TEAD4: variants seen among roughly 807,000 people sequenced by gnomAD.
TEAD4 encodes the protein transcriptional enhancer factor TEF-3.
Under a neutral mutation model 52.4 loss-of-function variants are expected in TEAD4, and 36 were observed. The ratio of observed to expected loss-of-function variants is 0.69; its 90% CI spans 0.53 to 0.91. The LOEUF (loss-of-function observed/expected upper bound fraction) is 0.91, where lower values mean the gene tolerates loss of function less well. Among genes scored for constraint, TEAD4 ranks in the 40% least tolerant of loss-of-function variants. The pLI is 0.00. For missense variants in TEAD4, 508 were observed against 583.9 expected (o/e 0.87, Z 1.34); for synonymous variants, 220 against 231.0 (o/e 0.95, Z 0.43).
At chr12:3,003,642 G>T (rs1249769520) in intron 3 of TEAD4, among the ~76,000 whole-genome samples, 3 of 152,166 alleles carry the variant, frequency 2.0e-5, no homozygotes, top group Non-Finnish European at 4.4e-5. Context: ...CTTCGCCCCC[G>T]GTGGGGTGGG....
intron 10 of TEAD4, among the ~76,000 whole-genome samples, chr12:3,023,398 A>C (rs991002172): frequency 1.3e-5 from 2 of 152,198 alleles, no homozygotes; most frequent in African/African-American, 4.8e-5. Flanking sequence ...TCTGGAATGA[A>C]AAATAAGTAG....
chr12:3,013,319 T>C (rs1283358653), intron 5 of TEAD4, among the ~76,000 whole-genome samples: 3 of 150,710 alleles, frequency 2.0e-5, no homozygotes, highest in African/African-American at 7.3e-5. Flanking sequence ...CAACAAAATA[T>C]CACCCTGATG....
intron 2 of TEAD4, among the ~76,000 whole-genome samples, chr12:2,978,429 A>C (rs1591560172): frequency 7.0e-6 from 1 of 141,946 alleles, no homozygotes; most frequent in Admixed American, 7.2e-5. Flanking sequence ...TTTGAGAGGG[A>C]GTCTCACTTT....
In TEAD4 at chr12:3,013,594, T is replaced by C. The variant is rs1262734569; in HGVS notation, c.354+1362T>C. On this transcript the variant is annotated intron_variant, in intron 5 of 12. Coordinates refer to ENST00000359864, the MANE Select transcript of TEAD4 (RefSeq NM_003213.4). Reference sequence around the variant, plus strand: ...ACTAAAAATATAAAAATTAGCCAGGTGTGGTGGCACACAGCTGTAATCCCA... The same window carrying C: ...ACTAAAAATATAAAAATTAGCCAGGCGTGGTGGCACACAGCTGTAATCCCA... 3.9e-5 allele frequency among the ~76,000 whole-genome samples: 6 copies of C among 152,086 alleles called. No individual in the cohort carries two copies. The East Asian group carries it at 1.2e-3, about 29-fold the overall frequency.
chr12:2,961,367 T>G (rs560769711), intron 2 of TEAD4, among the ~76,000 whole-genome samples: 4 of 151,992 alleles, frequency 2.6e-5, no homozygotes, highest in South Asian at 4.2e-4. Context: ...ATATCATGTG[T>G]AGGGCTTCTT....
intron 2 of TEAD4, among the ~76,000 whole-genome samples, chr12:2,977,991 G>T (rs2098231135): frequency 6.6e-6 from 1 of 152,268 alleles, no homozygotes; most frequent in East Asian, 1.9e-4. Context: ...CCATTTCTCT[G>T]CTGGGTTCTT....
At chr12:3,012,096 G>A (rs1386934357) in intron 4 of TEAD4, 74 bp from the exon 5 acceptor site, 27 of 1,511,880 alleles carry the variant, frequency 1.8e-5, no homozygotes, top group Middle Eastern at 1.7e-4. Flanking sequence ...TGTGGAGGGC[G>A]AGAGTCAGGA....
At chr12:2,969,794 C>T (rs894611083) in intron 2 of TEAD4, among the ~76,000 whole-genome samples, 4 of 152,152 alleles carry the variant, frequency 2.6e-5, no homozygotes, top group African/African-American at 4.8e-5. Flanking sequence ...TAGGAACAGG[C>T]GGAATCTGGG....
chr12:2,966,587 AT>A (rs1343430250), intron 2 of TEAD4, among the ~76,000 whole-genome samples: 2 of 147,910 alleles, frequency 1.4e-5, no homozygotes, highest in Admixed American at 1.4e-4. Context: ...ATTTTTTTGT[AT>A]TTTTAGTAGA....
At chr12:3,000,156 T>A (rs999408987) in intron 3 of TEAD4, among the ~76,000 whole-genome samples, 2 of 152,172 alleles carry the variant, frequency 1.3e-5, no homozygotes, top group South Asian at 4.1e-4. Flanking sequence ...TCTGGACAGT[T>A]AGCCACCCAA....
At chr12:3,021,706 A>C (rs928553139) in intron 9 of TEAD4, 138 bp from the exon 10 acceptor site, 1 of 796,284 alleles carries the variant, frequency 1.3e-6, no homozygotes, top group Admixed American at 2.9e-5. Flanking sequence ...TACCATCTCT[A>C]TTTTACTCAT....
At chr12:2,983,060 C>G (rs1001964506) in intron 2 of TEAD4, among the ~76,000 whole-genome samples, 5 of 152,138 alleles carry the variant, frequency 3.3e-5, no homozygotes, top group African/African-American at 1.2e-4. Flanking sequence ...ATCCTGGCCT[C>G]CACCGCACCC....
chr12:2,969,030 T>C (rs2098222907), intron 2 of TEAD4, among the ~76,000 whole-genome samples: 1 of 152,216 alleles, frequency 6.6e-6, no homozygotes, highest in Non-Finnish European at 1.5e-5. Context: ...TTCTCATTTC[T>C]AGAAGGTAGG....
rs142094954 is a variant in TEAD4, at chr12:3,039,962, C to A, written c.1039-145C>A. 2.9e-3 allele frequency: 3,122 copies of A among 1,065,704 alleles called. 59 individuals carry two copies. In the African/African-American group the frequency reaches 0.043, roughly 15 times the overall value. 66.0% of individuals were successfully genotyped at this position (1,065,704 alleles called of 1,614,324 possible). A position where few individuals can be genotyped will look rare whatever the true frequency, so the allele number is the denominator to read the frequency against. ...TTGGCCTCCCAAAGTGTTGGGATTACAGGTGTGAGCCACTGCCCCTGGCTG... is the reference window on the plus strand; with the variant it reads ...TTGGCCTCCCAAAGTGTTGGGATTAAAGGTGTGAGCCACTGCCCCTGGCTG... On this transcript the variant is annotated intron_variant, in intron 11 of 12. Transcript: ENST00000359864.
intron 10 of TEAD4, among the ~76,000 whole-genome samples, chr12:3,025,136 G>T (rs1212587542): frequency 6.6e-6 from 1 of 152,128 alleles, no homozygotes; most frequent in Non-Finnish European, 1.5e-5. Flanking sequence ...TAGAGACAAG[G>T]TTTCACCGTG....
intron 2 of TEAD4, among the ~76,000 whole-genome samples, chr12:2,986,129 A>G (rs2098238308): frequency 6.6e-6 from 1 of 151,820 alleles, no homozygotes. Flanking sequence ...ACAGAGACAA[A>G]CGCACACATT....
chr12:3,025,729 AT>A (rs2098271681), intron 10 of TEAD4, among the ~76,000 whole-genome samples: 2 of 151,450 alleles, frequency 1.3e-5, no homozygotes, highest in Admixed American at 1.3e-4. Context: ...GAGAGATGGG[AT>A]TTTTCAGTGT....
At chr12:2,988,261 C>T (rs1238417631) in intron 2 of TEAD4, among the ~76,000 whole-genome samples, 1 of 151,770 alleles carries the variant, frequency 6.6e-6, no homozygotes, top group Non-Finnish European at 1.5e-5. Flanking sequence ...GTCTGTAATC[C>T]CAGCACTTTG....
intron 2 of TEAD4, among the ~76,000 whole-genome samples, chr12:2,974,664 A>G (rs1175711461): frequency 6.6e-6 from 1 of 152,128 alleles, no homozygotes; most frequent in Non-Finnish European, 1.5e-5. Flanking sequence ...GGGTCCTGGA[A>G]GGCATTCCCC....
Sources: allele counts gnomAD v4.1 joint callset (sites outside exome capture counted in the v4.1 genomes callset), GRCh38; gene constraint gnomAD v4.1.1; transcripts MANE v1.5; gene names NCBI Gene and HGNC (gene_info 2026-07-23, HGNC 2026-07-21).